The following ESRRG variants were observed in gnomAD, a reference collection of about 807,000 sequenced individuals.
The protein encoded by ESRRG is estrogen-related receptor gamma.
ESRRG carries 13 observed loss-of-function variants against 44.0 expected under a neutral mutation model. The ratio of observed to expected loss-of-function variants is 0.30; its 90% CI spans 0.19 to 0.47. The LOEUF (loss-of-function observed/expected upper bound fraction) is 0.47. Among genes scored for constraint, ESRRG ranks in the 20% least tolerant of loss-of-function variants. ESRRG has a pLI of 1.00. For missense variants in ESRRG, 395 were observed against 580.6 expected (o/e 0.68, Z 3.29); for synonymous variants, 215 against 214.6 (o/e 1.00, Z -0.02).
At chr1:216,773,922 T>A (rs1322135804) in intron 2 of ESRRG, among the ~76,000 whole-genome samples, 2 of 152,094 alleles carry the variant, frequency 1.3e-5, no homozygotes, top group African/African-American at 4.8e-5. Context: ...ATATAAGTAC[T>A]AGATAATTAT....
At chr1:216,976,250 C>T (rs1213474560) in intron 1 of ESRRG, among the ~76,000 whole-genome samples, 1 of 151,488 alleles carries the variant, frequency 6.6e-6, no homozygotes, top group East Asian at 1.9e-4. Context: ...GCCATATAAG[C>T]ATAACCCAGC....
intron 1 of ESRRG, among the ~76,000 whole-genome samples, chr1:217,070,535 C>T (rs1466820075): frequency 1.3e-5 from 2 of 152,096 alleles, no homozygotes; most frequent in African/African-American, 4.8e-5. Flanking sequence ...CATGTGCCAC[C>T]AGGTCTGGCT....
intron 1 of ESRRG, among the ~76,000 whole-genome samples, chr1:217,020,293 A>G (rs1358093570): frequency 6.6e-6 from 1 of 152,198 alleles, no homozygotes; most frequent in Non-Finnish European, 1.5e-5. Flanking sequence ...AAATTTGCAG[A>G]ACTTCTGGGT....
At chr1:216,651,955 G>GC (rs1439686588) in intron 2 of ESRRG, among the ~76,000 whole-genome samples, 1 of 152,028 alleles carries the variant, frequency 6.6e-6, no homozygotes, top group Non-Finnish European at 1.5e-5. Flanking sequence ...CTCTGGGGCT[G>GC]CCTACAGCTT....
intron 1 of ESRRG, among the ~76,000 whole-genome samples, chr1:216,983,958 A>T (rs1164788094): frequency 2.0e-5 from 3 of 150,694 alleles, no homozygotes; most frequent in Non-Finnish European, 4.4e-5. Context: ...CTTCTCAGAG[A>T]CACAACCTTG....
intron 1 of ESRRG, among the ~76,000 whole-genome samples, chr1:216,962,228 G>A (rs1185131184): frequency 6.6e-6 from 1 of 152,170 alleles, no homozygotes; most frequent in Non-Finnish European, 1.5e-5. Flanking sequence ...ACTACAGATG[G>A]CTGGCAAGCT....
intron 2 of ESRRG, among the ~76,000 whole-genome samples, chr1:216,659,655 C>T (rs1391540368): frequency 6.6e-6 from 1 of 152,158 alleles, no homozygotes; most frequent in Non-Finnish European, 1.5e-5. Context: ...GCATCCTTTC[C>T]TATTGCTCCT....
chr1:216,762,724 A>T (rs2092859227), intron 2 of ESRRG, among the ~76,000 whole-genome samples: 1 of 151,908 alleles, frequency 6.6e-6, no homozygotes, highest in South Asian at 2.1e-4. Flanking sequence ...ATAAATAAAT[A>T]AATAAATAAA....
intron 2 of ESRRG, among the ~76,000 whole-genome samples, chr1:216,919,191 C>T (rs368808408): frequency 8.5e-4 from 130 of 152,174 alleles, no homozygotes; most frequent in African/African-American, 2.8e-3. Context: ...AACTCACAAA[C>T]GGGAGGCCTC....
intron 2 of ESRRG, among the ~76,000 whole-genome samples, chr1:216,784,949 G>C (rs2094071069): frequency 6.6e-6 from 1 of 151,742 alleles, no homozygotes; most frequent in African/African-American, 2.4e-5. Context: ...GTCTACCTTG[G>C]ATTCCTGTGA....
At chr1:216,556,776 T>C (rs767179847) in intron 5 of ESRRG, among the ~76,000 whole-genome samples, 2 of 152,118 alleles carry the variant, frequency 1.3e-5, no homozygotes, top group Non-Finnish European at 2.9e-5. Context: ...ATCACCTCCC[T>C]GAATCACCCA....
intron 1 of ESRRG, among the ~76,000 whole-genome samples, chr1:217,022,599 C>T (rs1267680101): frequency 6.6e-6 from 1 of 152,160 alleles, no homozygotes; most frequent in Admixed American, 6.5e-5. Flanking sequence ...GCTGCAGCAA[C>T]AGCCGTTGCC....
chr1:216,951,978 T>C (rs1210511254), intron 1 of ESRRG, among the ~76,000 whole-genome samples: 1 of 152,006 alleles, frequency 6.6e-6, no homozygotes, highest in East Asian at 1.9e-4. Context: ...ACATCCTGAA[T>C]TCCTTAATGT....
At chr1:216,601,354 G>C (rs891593058) in intron 3 of ESRRG, among the ~76,000 whole-genome samples, 8 of 152,122 alleles carry the variant, frequency 5.3e-5, no homozygotes, top group Non-Finnish European at 1.0e-4. Context: ...AGCCGACGCC[G>C]GGCTTCAAAC....
intron 1 of ESRRG, among the ~76,000 whole-genome samples, chr1:217,039,061 C>T (rs1274800601): frequency 1.3e-5 from 2 of 152,192 alleles, no homozygotes; most frequent in African/African-American, 2.4e-5. Flanking sequence ...AAAAGAGTCA[C>T]GTTTGCTCCA....
intron 2 of ESRRG, among the ~76,000 whole-genome samples, chr1:216,919,238 T>C (rs530656373): frequency 3.9e-5 from 6 of 152,300 alleles, no homozygotes; most frequent in Admixed American, 1.3e-4. Context: ...CTCTTTCTCC[T>C]AGAGCCAAGG....
chr1:216,984,555 G>A (rs903304696), intron 1 of ESRRG, among the ~76,000 whole-genome samples: 26 of 152,172 alleles, frequency 1.7e-4, no homozygotes, highest in African/African-American at 4.8e-4. Flanking sequence ...TAGAGGAAAT[G>A]TTTACAAAGA....
intron 1 of ESRRG, among the ~76,000 whole-genome samples, chr1:217,081,104 G>A (rs1368806631): frequency 1.3e-5 from 2 of 151,320 alleles, no homozygotes; most frequent in African/African-American, 4.9e-5. Flanking sequence ...CTGTACAACA[G>A]CTCAAATTTC....
chr1:217,038,874 A>G (rs1002019927), intron 1 of ESRRG, among the ~76,000 whole-genome samples: 6 of 152,302 alleles, frequency 3.9e-5, no homozygotes, highest in African/African-American at 1.4e-4. Context: ...CTGAACTTTT[A>G]TCCTCCATTT....
Sources: gnomAD v4.1 joint callset for allele counts (sites outside exome capture counted in the v4.1 genomes callset) on GRCh38, gnomAD v4.1.1 for gene constraint, MANE v1.5 for transcripts, NCBI Gene and HGNC (gene_info 2026-07-23, HGNC 2026-07-21) for gene names.